AGPS: variants seen among roughly 807,000 people sequenced by gnomAD.
The protein encoded by AGPS is alkyldihydroxyacetonephosphate synthase, peroxisomal.
A neutral mutation model predicts 90.7 loss-of-function variants in AGPS; 26 were observed. The observed-to-expected ratio is 0.29, with a 90% CI of 0.21 to 0.40. The LOEUF is 0.40. AGPS is among the 10% of genes least tolerant of loss of function. The probability of loss-of-function intolerance (pLI) is 1.00; values close to 1 mark genes in which losing one functional copy is unlikely to be tolerated. For synonymous variants in AGPS, 294 were observed against 285.3 expected, an observed-to-expected ratio of 1.03 and a Z score of -0.31; for missense variants, 540 against 816.1, an observed-to-expected ratio of 0.66 and a Z score of 4.12.
At chr2:177,400,411 TG>T (rs925205178) in intron 1 of AGPS, among the ~76,000 whole-genome samples, 6 of 152,214 alleles carry the variant, frequency 3.9e-5, no homozygotes, top group African/African-American at 1.4e-4. Flanking sequence ...ATCAATTTTT[TG>T]TATAGTTTTC....
At chr2:177,495,347 G>A (rs17326999) in intron 12 of AGPS, among the ~76,000 whole-genome samples, 18,375 of 151,926 alleles carry the variant, frequency 0.12, 1,230 homozygotes, top group African/African-American at 0.14. Flanking sequence ...ATGACTGTTC[G>A]TCAGAGTGGT....
rs113523500 is a variant in AGPS at position 177,521,255 on chromosome 2, T to C, written c.1698-14T>C. 971 of 1,611,594 alleles carry C rather than the reference T, an allele frequency of 6.0e-4. 8 individuals are homozygous for C. The African/African-American group carries it at 0.012, about 19-fold the overall frequency. On this transcript the variant is annotated splice_polypyrimidine_tract_variant and intron_variant, in intron 17 of 19. Transcript: ENST00000264167. Reference sequence around the variant, plus strand: ...TAACTTAAAGCCCCTGTGGGGATTTTGTTTGTTTTTTAGGGTGACGCAGAC... The same window carrying C: ...TAACTTAAAGCCCCTGTGGGGATTTCGTTTGTTTTTTAGGGTGACGCAGAC...
chr2:177,428,565 TTC>T (rs1686146615), intron 2 of AGPS, among the ~76,000 whole-genome samples: 1 of 152,138 alleles, frequency 6.6e-6, no homozygotes, highest in Non-Finnish European at 1.5e-5. Context: ...GATCTTCTTC[TTC>T]GCTTATGAAG....
chr2:177,481,128 A>T (rs1392418185), intron 10 of AGPS, among the ~76,000 whole-genome samples: 1 of 152,052 alleles, frequency 6.6e-6, no homozygotes, highest in Non-Finnish European at 1.5e-5. Flanking sequence ...TTTTTGCGAA[A>T]CTTTTAAATT....
chr2:177,395,736 C>G (rs1027560655), intron 1 of AGPS, among the ~76,000 whole-genome samples: 1 of 152,288 alleles, frequency 6.6e-6, no homozygotes, highest in Admixed American at 6.5e-5. Context: ...TGTATTATTC[C>G]TTCCCTTTTA....
intron 8 of AGPS, among the ~76,000 whole-genome samples, chr2:177,448,233 C>A (rs1686833860): frequency 6.6e-6 from 1 of 152,106 alleles, no homozygotes; most frequent in East Asian, 1.9e-4. Flanking sequence ...AGTTTCTTTA[C>A]CTATAAAGTG....
intron 2 of AGPS, among the ~76,000 whole-genome samples, chr2:177,429,220 C>T (rs970453303): frequency 6.6e-6 from 1 of 152,104 alleles, no homozygotes; most frequent in African/African-American, 2.4e-5. Flanking sequence ...ATTGTTTTAT[C>T]ATGATTCTTA....
chr2:177,464,050 T>G (rs775723795), intron 9 of AGPS, among the ~76,000 whole-genome samples: 44 of 152,340 alleles, frequency 2.9e-4, no homozygotes, highest in Non-Finnish European at 4.7e-4. Flanking sequence ...CAAGCGATTC[T>G]CCTGCCTCAG....
Position 177,482,331 on chromosome 2 carries a change from C to T in AGPS, c.1233+145C>T, listed in dbSNP as rs1346914476. 11 of 438,542 alleles carry T rather than the reference C, an allele frequency of 2.5e-5. No homozygotes were observed. In the South Asian group the frequency reaches 3.3e-4, roughly 13 times the overall value. The allele number at this position is 438,542 out of a possible 1,614,324, so 27.2% of individuals were successfully genotyped here. A position where few individuals can be genotyped will look rare whatever the true frequency, so the allele number is the denominator to read the frequency against. ...TTATATTTGTGGTTTTTACCCAGTT[C>T]TATATGAAAAGGTAGTGTTGTACAG... On this transcript the variant is annotated intron_variant, in intron 11 of 19. Coordinates refer to ENST00000264167, the MANE Select transcript of AGPS (RefSeq NM_003659.4).
At chr2:177,455,863 A>G (rs889352019) in intron 8 of AGPS, among the ~76,000 whole-genome samples, 2 of 152,046 alleles carry the variant, frequency 1.3e-5, no homozygotes, top group African/African-American at 4.8e-5. Context: ...TAAGGAATAT[A>G]TCTGAAGGTC....
chr2:177,405,688 T>TG (rs1553505846), intron 1 of AGPS, among the ~76,000 whole-genome samples: 1 of 151,270 alleles, frequency 6.6e-6, no homozygotes. Flanking sequence ...TTTTTTTTTT[T>TG]CCCACCTTCC....
chr2:177,490,714 A>G (rs1452527156), intron 11 of AGPS, among the ~76,000 whole-genome samples: 4 of 152,136 alleles, frequency 2.6e-5, no homozygotes, highest in Admixed American at 2.6e-4. Flanking sequence ...TTTTAAGCAT[A>G]CAGAAAATTT....
intron 8 of AGPS, among the ~76,000 whole-genome samples, chr2:177,460,879 C>T (rs1687271897): frequency 6.6e-6 from 1 of 152,028 alleles, no homozygotes; most frequent in Non-Finnish European, 1.5e-5. Context: ...TCTTGTTTTC[C>T]TAGCAGCAAA....
intron 16 of AGPS, among the ~76,000 whole-genome samples, chr2:177,508,817 T>C (rs1574020402): frequency 6.6e-6 from 1 of 152,310 alleles, no homozygotes; most frequent in East Asian, 1.9e-4. Context: ...TATTTACCAG[T>C]TGAGCATCCC....
intron 8 of AGPS, among the ~76,000 whole-genome samples, chr2:177,460,404 A>G (rs1356862026): frequency 2.0e-5 from 3 of 152,204 alleles, no homozygotes; most frequent in Non-Finnish European, 4.4e-5. Context: ...GAAAATAGGA[A>G]TAATAATAGT....
intron 1 of AGPS, among the ~76,000 whole-genome samples, chr2:177,403,843 G>T (rs564566204): frequency 5.3e-5 from 8 of 152,132 alleles, no homozygotes; most frequent in East Asian, 1.9e-4. Flanking sequence ...TTATATGTAG[G>T]TACCATTTAT....
At chr2:177,439,152 T>TA (rs2105634327) in intron 5 of AGPS, among the ~76,000 whole-genome samples, 1 of 152,302 alleles carries the variant, frequency 6.6e-6, no homozygotes, top group South Asian at 2.1e-4. Context: ...TTCAGTGGCT[T>TA]AAACACCAGA....
At chr2:177,418,001 G>A (rs1559037938) in intron 1 of AGPS, among the ~76,000 whole-genome samples, 1 of 151,926 alleles carries the variant, frequency 6.6e-6, no homozygotes, top group Non-Finnish European at 1.5e-5. Flanking sequence ...TTGGTTTGGG[G>A]GTAATCTAGA....
chr2:177,522,353 T>A (rs1689220577), intron 18 of AGPS, among the ~76,000 whole-genome samples: 1 of 152,178 alleles, frequency 6.6e-6, no homozygotes, highest in African/African-American at 2.4e-5. Context: ...GTGCTACTGA[T>A]CTCAAGTAGC....
Sources: allele counts gnomAD v4.1 joint callset (sites outside exome capture counted in the v4.1 genomes callset), GRCh38; gene constraint gnomAD v4.1.1; transcripts MANE v1.5; gene names NCBI Gene and HGNC (gene_info 2026-07-23, HGNC 2026-07-21).